The following RIC8B variants were observed in gnomAD, a reference collection of about 807,000 sequenced individuals.
RIC8B encodes chaperone Ric-8B.
A neutral mutation model predicts 57.5 loss-of-function variants in RIC8B; 16 were observed. The ratio of observed to expected loss-of-function variants is 0.28; its 90% CI spans 0.19 to 0.42. The LOEUF is 0.42. Among genes scored for constraint, RIC8B ranks in the 10% least tolerant of loss-of-function variants. The pLI is 1.00. For missense variants in RIC8B, 481 were observed against 677.0 expected (o/e 0.71, Z 3.21); for synonymous variants, 216 against 250.8 (o/e 0.86, Z 1.31).
intron 8 of RIC8B, among the ~76,000 whole-genome samples, chr12:106,863,152 G>T (rs934826867): frequency 2.0e-5 from 3 of 152,102 alleles, no homozygotes; most frequent in Non-Finnish European, 4.4e-5. Context: ...TGAAAGATGT[G>T]TGTCTAATGA....
At chr12:106,848,584 T>C (rs2136452061) in intron 6 of RIC8B, among the ~76,000 whole-genome samples, 1 of 152,104 alleles carries the variant, frequency 6.6e-6, no homozygotes, top group Non-Finnish European at 1.5e-5. Flanking sequence ...GGAGAAGTGG[T>C]TGGATTGTGG....
chr12:106,825,751 T>C lies in RIC8B; in HGVS notation c.767T>C (p.Met256Thr). 2 of 1,613,792 alleles carry C rather than the reference T, an allele frequency of 1.2e-6. No homozygotes were observed. Among genetic ancestry groups the C allele is most frequent in the East Asian group, 2.2e-5 (1 of 44,856 alleles). ...KESDSHQFRVMAAVLRHCLLI... is the reference protein window; with the variant it reads ...KESDSHQFRVTAAVLRHCLLI... The stretch of plus-strand genomic sequence containing the variant: ...AGTGATTCTCATCAGTTCCGTGTAA[T>C]GGCAGCTGTCCTTCGTCATTGTTTA... Residue 256 changes from methionine (M) to threonine (T), a missense_variant, in exon 4 of 10, where the codon ATG (methionine) becomes ACG (threonine). Physicochemically the swap from Met to Thr is moderately conservative, Grantham distance 81 (BLOSUM62 -1). Coordinates refer to ENST00000392837, the MANE Select transcript of RIC8B (RefSeq NM_001330145.2).
intron 6 of RIC8B, 96 bp downstream of exon 6, chr12:106,844,043 A>G: frequency 1.1e-6 from 1 of 884,658 alleles, no homozygotes; most frequent in Admixed American, 2.1e-5. Flanking sequence ...ATTTTGTTTC[A>G]GATAATCAGA....
chr12:106,860,195 G>A lies in RIC8B; in HGVS notation c.1307-73G>A, dbSNP rs971412245. 10 of 1,264,224 alleles carry A rather than the reference G, an allele frequency of 7.9e-6. No homozygotes were observed. In the African/African-American group the frequency reaches 9.2e-5, roughly 12 times the overall value. The allele number at this position is 1,264,224 out of a possible 1,614,324, so 78.3% of individuals were successfully genotyped here. The stretch of plus-strand genomic sequence containing the variant: ...CATAGTGTGTGTCTTCAATCTTCTT[G>A]TGTTGGTGAGTGGTTGATGATGATG... On this transcript the variant is annotated intron_variant, in intron 7 of 9. Transcript: ENST00000392837.
chr12:106,872,485 A>G (rs1028424148), intron 9 of RIC8B, among the ~76,000 whole-genome samples: 5 of 152,056 alleles, frequency 3.3e-5, no homozygotes, highest in Admixed American at 6.5e-5. Context: ...CCTGACCAAC[A>G]TGGAGAAACC....
intron 9 of RIC8B, chr12:106,874,375 TG>T (rs1196181832): frequency 1.2e-6 from 1 of 835,032 alleles, no homozygotes; most frequent in African/African-American, 1.7e-5. Context: ...AAAAATGAAA[TG>T]GTTTTCTCCT....
intron 2 of RIC8B, among the ~76,000 whole-genome samples, chr12:106,809,388 T>C (rs1010346057): frequency 6.6e-6 from 1 of 151,978 alleles, no homozygotes; most frequent in African/African-American, 2.4e-5. Flanking sequence ...GCAGGCGTGG[T>C]GGTGTGTGTC....
intron 2 of RIC8B, among the ~76,000 whole-genome samples, chr12:106,807,584 G>C (rs2045101379): frequency 6.6e-6 from 1 of 152,216 alleles, no homozygotes; most frequent in Non-Finnish European, 1.5e-5. Flanking sequence ...AGTGGCAAGA[G>C]CTCCATCATA....
intron 9 of RIC8B, among the ~76,000 whole-genome samples, chr12:106,884,152 G>A (rs1358614942): frequency 6.6e-6 from 1 of 152,212 alleles, no homozygotes; most frequent in Non-Finnish European, 1.5e-5. Flanking sequence ...AGGCAGCCTG[G>A]TCAGTGCTTC....
chr12:106,842,023 G>T (rs912103013), intron 4 of RIC8B, among the ~76,000 whole-genome samples: 1 of 152,098 alleles, frequency 6.6e-6, no homozygotes, highest in African/African-American at 2.4e-5. Context: ...AAGAAAGAGA[G>T]AAAAAACTCC....
chr12:106,787,720 C>T (rs1367146175), intron 2 of RIC8B, among the ~76,000 whole-genome samples: 1 of 152,068 alleles, frequency 6.6e-6, no homozygotes, highest in Non-Finnish European at 1.5e-5. Context: ...TATTCACTAC[C>T]ACGAGAACAG....
intron 1 of RIC8B, among the ~76,000 whole-genome samples, chr12:106,776,237 A>C (rs1047933586): frequency 6.6e-6 from 1 of 152,204 alleles, no homozygotes; most frequent in African/African-American, 2.4e-5. Flanking sequence ...TTCATATCTT[A>C]GCTCCTTCAC....
At chr12:106,776,520 A>G (rs956044698) in intron 1 of RIC8B, among the ~76,000 whole-genome samples, 1 of 152,214 alleles carries the variant, frequency 6.6e-6, no homozygotes, top group African/African-American at 2.4e-5. Flanking sequence ...GGAAGGAGGA[A>G]AAACCTTCAA....
intron 7 of RIC8B, among the ~76,000 whole-genome samples, chr12:106,857,943 A>G (rs761227065): frequency 4.6e-5 from 7 of 152,168 alleles, no homozygotes; most frequent in Non-Finnish European, 7.4e-5. Context: ...AAAGCAAACT[A>G]TGTCTTAAGT....
intron 9 of RIC8B, chr12:106,874,584 A>G: frequency 6.5e-7 from 1 of 1,531,024 alleles, no homozygotes; most frequent in Non-Finnish European, 8.9e-7. Flanking sequence ...CATGCCAAGT[A>G]CTGTTACTGA....
chr12:106,865,986 C>G (rs1402022796), intron 8 of RIC8B, among the ~76,000 whole-genome samples: 2 of 152,208 alleles, frequency 1.3e-5, no homozygotes, highest in Admixed American at 1.3e-4. Flanking sequence ...AGTCTTTACT[C>G]AGGTATCACC....
At chr12:106,784,438 C>A (rs1300664210) in intron 2 of RIC8B, among the ~76,000 whole-genome samples, 1 of 152,202 alleles carries the variant, frequency 6.6e-6, no homozygotes, top group Non-Finnish European at 1.5e-5. Flanking sequence ...TGCAGTGGCT[C>A]ACTGTAACCC....
intron 7 of RIC8B, among the ~76,000 whole-genome samples, chr12:106,853,101 T>C (rs1949547694): frequency 6.6e-6 from 1 of 152,182 alleles, no homozygotes; most frequent in African/African-American, 2.4e-5. Context: ...AATTTTTCTA[T>C]AATGAACATG....
intron 1 of RIC8B, among the ~76,000 whole-genome samples, chr12:106,775,616 C>T (rs577761304): frequency 6.6e-6 from 1 of 152,326 alleles, no homozygotes; most frequent in Non-Finnish European, 1.5e-5. Flanking sequence ...CAGTTTAGTT[C>T]TTTCCACTTC....
Sources: allele counts gnomAD v4.1 joint callset (sites outside exome capture counted in the v4.1 genomes callset), GRCh38; gene constraint gnomAD v4.1.1; transcripts MANE v1.5; gene names NCBI Gene and HGNC (gene_info 2026-07-23, HGNC 2026-07-21).